Variants in KIZ observed in about 807,000 individuals in gnomAD.
The protein encoded by KIZ is centrosomal protein kizuna.
KIZ carries 68 observed loss-of-function variants against 79.6 expected under a neutral mutation model. That is an observed-to-expected ratio of 0.85 (90% confidence interval 0.70 to 1.05). The LOEUF (loss-of-function observed/expected upper bound fraction) is 1.05. Among genes scored for constraint, KIZ ranks in the 50% least tolerant of loss-of-function variants. KIZ has a pLI of 0.00. For missense variants in KIZ, 797 were observed against 800.4 expected, an observed-to-expected ratio of 1.00 and a Z score of 0.05; for synonymous variants, 280 against 281.8, an observed-to-expected ratio of 0.99 and a Z score of 0.06.
At chr20:21,164,484 A>C (rs2033837676) in intron 6 of KIZ, among the ~76,000 whole-genome samples, 1 of 152,140 alleles carries the variant, frequency 6.6e-6, no homozygotes, top group Admixed American at 6.5e-5. Flanking sequence ...ACATCATCAG[A>C]AACTTTATTA....
intron 11 of KIZ, among the ~76,000 whole-genome samples, chr20:21,238,535 G>A (rs2037109654): frequency 6.6e-6 from 1 of 152,120 alleles, no homozygotes; most frequent in Non-Finnish European, 1.5e-5. Flanking sequence ...CCTCACTGGG[G>A]TTCTTTCCTG....
intron 1 of KIZ, among the ~76,000 whole-genome samples, chr20:21,129,390 C>T (rs902500929): frequency 6.6e-6 from 1 of 152,130 alleles, no homozygotes; most frequent in African/African-American, 2.4e-5. Context: ...GGTGGATTTC[C>T]AAAGTGACTG....
chr20:21,164,232 C>CT (rs2033827947), intron 6 of KIZ, among the ~76,000 whole-genome samples: 3 of 152,180 alleles, frequency 2.0e-5, no homozygotes. Flanking sequence ...TTGCCTCTTA[C>CT]CATTCATTGT....
chr20:21,238,348 A>AGTGTGTGTGT, intron 11 of KIZ, among the ~76,000 whole-genome samples: 2 of 82,162 alleles, frequency 2.4e-5, no homozygotes, highest in African/African-American at 6.6e-5. Context: ...AGAGAGAGAG[A>AGTGTGTGTGT]GAGAGTGTGT....
chr20:21,181,581 C>G (rs1321450185), intron 6 of KIZ, among the ~76,000 whole-genome samples: 1 of 151,974 alleles, frequency 6.6e-6, no homozygotes, highest in Admixed American at 6.6e-5. Flanking sequence ...GCCTCAGCTT[C>G]CCTTGTAGCT....
At chr20:21,186,112 A>T in intron 6 of KIZ, among the ~76,000 whole-genome samples, 2 of 152,146 alleles carry the variant, frequency 1.3e-5, no homozygotes, top group East Asian at 3.9e-4. Flanking sequence ...TTGTGTACAT[A>T]TATTTATTGT....
chr20:21,143,861 CA>C (rs753927575), intron 3 of KIZ, among the ~76,000 whole-genome samples: 2 of 151,862 alleles, frequency 1.3e-5, no homozygotes. Context: ...GTGTTGTATG[CA>C]AAAATAAAAA....
intron 1 of KIZ, among the ~76,000 whole-genome samples, chr20:21,127,684 G>A (rs1291894048): frequency 6.6e-6 from 1 of 152,144 alleles, no homozygotes; most frequent in Non-Finnish European, 1.5e-5. Context: ...TCAAATTAAT[G>A]CACACTGGAC....
rs1240125625 is a variant in KIZ at position 21,162,205 on chromosome 20, A to G, written c.740A>G (p.Glu247Gly). The G allele has an allele frequency of 1.9e-6, 3 of 1,613,616 alleles. No homozygotes were observed. Among genetic ancestry groups the G allele is most frequent in the Non-Finnish European group, 2.5e-6 (3 of 1,179,766 alleles). Residue 247 changes from glutamate to glycine, a missense_variant, in exon 5 of 13, where the codon GAA (glutamate) becomes GGA (glycine). By Grantham distance (98) the Glu-to-Gly change is moderately conservative. Transcript: ENST00000619189. Reference protein sequence around the residue: ...PVTASVLSEEEQTHCLEIGSN... With the variant: ...PVTASVLSEEGQTHCLEIGSN... ...ACAGCCAGTGTATTGTCTGAGGAGG[A>G]ACAAACTCATTGCTTGGAGATAGGA... is the stretch of plus-strand genomic sequence containing the variant.
chr20:21,194,956 C>T (rs968404728), intron 6 of KIZ: 1 of 152,128 alleles, frequency 6.6e-6, no homozygotes, highest in Non-Finnish European at 1.5e-5. Flanking sequence ...GTGCCGAATG[C>T]TATGAGAAAT....
intron 10 of KIZ, among the ~76,000 whole-genome samples, chr20:21,232,149 C>T (rs536725728): frequency 1.3e-5 from 2 of 152,324 alleles, no homozygotes; most frequent in African/African-American, 2.4e-5. Context: ...AGGGATTGCC[C>T]TGCAAACTGG....
Position 21,162,526 on chromosome 20 carries a change from T to A in KIZ, c.1042+19T>A. The A allele has an allele frequency of 6.3e-7, 1 of 1,588,784 alleles. No homozygotes were observed. Among genetic ancestry groups the A allele is most frequent in the African/African-American group, 1.4e-5 (1 of 73,774 alleles). ...GTTTCAGGTGGGATGAGAGGCTGAG[T>A]TTGGTTGCTGATTTTTCTGGGTGGT... On this transcript the variant is annotated intron_variant, in intron 5 of 12. Coordinates refer to ENST00000619189, the MANE Select transcript of KIZ (RefSeq NM_018474.6).
intron 6 of KIZ, among the ~76,000 whole-genome samples, chr20:21,168,504 T>C (rs1170244911): frequency 6.6e-6 from 1 of 152,172 alleles, no homozygotes; most frequent in Non-Finnish European, 1.5e-5. Flanking sequence ...ATGGCCATAC[T>C]GCCCAGGGTA....
chr20:21,187,540 A>G (rs1377530348), intron 6 of KIZ, among the ~76,000 whole-genome samples: 1 of 152,186 alleles, frequency 6.6e-6, no homozygotes, highest in African/African-American at 2.4e-5. Flanking sequence ...CCACCGTGCC[A>G]TCATGCCTTC....
At chr20:21,170,121 TG>T (rs2034137304) in intron 6 of KIZ, among the ~76,000 whole-genome samples, 1 of 152,180 alleles carries the variant, frequency 6.6e-6, no homozygotes, top group Admixed American at 6.5e-5. Flanking sequence ...AGTCTGTTTT[TG>T]GTATGGGGTT....
intron 3 of KIZ, among the ~76,000 whole-genome samples, chr20:21,141,212 C>T (rs1430076822): frequency 6.6e-6 from 1 of 152,048 alleles, no homozygotes; most frequent in Non-Finnish European, 1.5e-5. Context: ...AGGTTGGGTT[C>T]TCCCTGAAGC....
At chr20:21,229,677 C>CA (rs1447158627) in intron 10 of KIZ, among the ~76,000 whole-genome samples, 3 of 152,076 alleles carry the variant, frequency 2.0e-5, no homozygotes, top group African/African-American at 7.2e-5. Flanking sequence ...CAATCTCAAG[C>CA]AATCTTCCCT....
At chr20:21,205,917 C>T (rs1023432134) in intron 7 of KIZ, among the ~76,000 whole-genome samples, 4 of 151,110 alleles carry the variant, frequency 2.6e-5, no homozygotes, top group Admixed American at 6.6e-5. Context: ...GCCGAGATCA[C>T]GCCACTGCAC....
intron 9 of KIZ, among the ~76,000 whole-genome samples, chr20:21,223,485 C>G (rs188647942): frequency 6.6e-6 from 1 of 152,084 alleles, no homozygotes; most frequent in Non-Finnish European, 1.5e-5. Context: ...TTTGCAGGCC[C>G]AGGTCTACAG....
Sources: allele counts gnomAD v4.1 joint callset (sites outside exome capture counted in the v4.1 genomes callset), GRCh38; gene constraint gnomAD v4.1.1; transcripts MANE v1.5; gene names NCBI Gene and HGNC (gene_info 2026-07-23, HGNC 2026-07-21).